The following TNR variants were observed in gnomAD, a reference collection of about 807,000 sequenced individuals.
TNR encodes tenascin R, also known as tenascin-R.
Under a neutral mutation model 150.4 loss-of-function variants are expected in TNR, and 45 were observed. The observed-to-expected ratio is 0.30, with a 90% CI of 0.24 to 0.38. The LOEUF (loss-of-function observed/expected upper bound fraction) is 0.38, where lower values mean the gene tolerates loss of function less well. Among genes scored for constraint, TNR ranks in the 10% least tolerant of loss-of-function variants. TNR has a pLI of 1.00. For missense variants in TNR, 1,544 were observed against 1,759.1 expected (o/e 0.88, Z 2.19); for synonymous variants, 687 against 678.4 (o/e 1.01, Z -0.20).
At chr1:175,636,818 C>T (rs1215733269) in intron 1 of TNR, among the ~76,000 whole-genome samples, 1 of 152,194 alleles carries the variant, frequency 6.6e-6, no homozygotes, top group Non-Finnish European at 1.5e-5. Context: ...TAGGTCTTTA[C>T]CTGATGCCTC....
At chr1:175,586,581 C>T (rs1003075737) in intron 1 of TNR, among the ~76,000 whole-genome samples, 3 of 152,198 alleles carry the variant, frequency 2.0e-5, no homozygotes, top group African/African-American at 4.8e-5. Context: ...GCTGGGACTA[C>T]AAGCGTGAGC....
chr1:175,700,157 G>A (rs911867741), intron 1 of TNR, among the ~76,000 whole-genome samples: 5 of 151,074 alleles, frequency 3.3e-5, no homozygotes, highest in African/African-American at 1.2e-4. Flanking sequence ...AGAAGGTTTG[G>A]CAAGGCTGTC....
intron 1 of TNR, among the ~76,000 whole-genome samples, chr1:175,704,397 C>T (rs143057657): frequency 2.6e-5 from 4 of 152,234 alleles, no homozygotes; most frequent in African/African-American, 9.6e-5. Context: ...GCTTGGTGGA[C>T]AGAGCTTGGA....
At chr1:175,451,683 T>C (rs1475779206) in intron 2 of TNR, among the ~76,000 whole-genome samples, 1 of 152,226 alleles carries the variant, frequency 6.6e-6, no homozygotes, top group African/African-American at 2.4e-5. Context: ...CAGCCCTTTA[T>C]GGAGCCCGTC....
chr1:175,543,806 A>G (rs1244451236), intron 1 of TNR, among the ~76,000 whole-genome samples: 2 of 152,208 alleles, frequency 1.3e-5, no homozygotes, highest in Non-Finnish European at 2.9e-5. Flanking sequence ...AGTTTTATGA[A>G]AGATGCCCAG....
chr1:175,646,204 TA>T (rs1664805292), intron 1 of TNR, among the ~76,000 whole-genome samples: 1 of 152,238 alleles, frequency 6.6e-6, no homozygotes, highest in Admixed American at 6.5e-5. Context: ...CTATGGCCAC[TA>T]AAAGGGCTCC....
chr1:175,632,645 A>G (rs1423322809), intron 1 of TNR, among the ~76,000 whole-genome samples: 2 of 152,232 alleles, frequency 1.3e-5, no homozygotes, highest in Non-Finnish European at 2.9e-5. Context: ...ACAAAATAAC[A>G]TTAATATCAA....
chr1:175,404,948 C>T (rs1010943657), intron 3 of TNR, among the ~76,000 whole-genome samples: 1 of 152,220 alleles, frequency 6.6e-6, no homozygotes, highest in Non-Finnish European at 1.5e-5. Context: ...TTTTAGTCCT[C>T]AGTGACTGCC....
intron 2 of TNR, among the ~76,000 whole-genome samples, chr1:175,424,339 G>A (rs1313863197): frequency 6.6e-6 from 1 of 152,172 alleles, no homozygotes; most frequent in Non-Finnish European, 1.5e-5. Flanking sequence ...GGCAGTGGTG[G>A]GAGCTGGGCA....
At chr1:175,507,280 C>G (rs1480434186) in intron 2 of TNR, among the ~76,000 whole-genome samples, 1 of 152,140 alleles carries the variant, frequency 6.6e-6, no homozygotes, top group African/African-American at 2.4e-5. Flanking sequence ...CATGGGTTGC[C>G]TGGGAATCCT....
At chr1:175,617,639 C>G (rs946666888) in intron 1 of TNR, among the ~76,000 whole-genome samples, 1 of 152,128 alleles carries the variant, frequency 6.6e-6, no homozygotes, top group African/African-American at 2.4e-5. Context: ...CCTGCTGAAT[C>G]GAAATCTAAG....
At chr1:175,671,264 C>T (rs1054435814) in intron 1 of TNR, among the ~76,000 whole-genome samples, 4 of 152,208 alleles carry the variant, frequency 2.6e-5, no homozygotes, top group African/African-American at 9.7e-5. Context: ...ATGGTGCCTA[C>T]TGAACTCCTC....
chr1:175,686,157 C>A (rs942633299), intron 1 of TNR, among the ~76,000 whole-genome samples: 11 of 152,160 alleles, frequency 7.2e-5, no homozygotes, highest in Non-Finnish European at 1.6e-4. Flanking sequence ...TTCATGTATT[C>A]AAACAACACT....
chr1:175,331,074 T>TTTCTTTCTTTCTTTCC (rs1557868014), intron 20 of TNR, among the ~76,000 whole-genome samples: 5 of 101,346 alleles, frequency 4.9e-5, no homozygotes, highest in African/African-American at 1.7e-4. Context: ...TCTTTCTTTC[T>TTTCTTTCTTTCTTTCC]TTCCTTCTTT....
intron 2 of TNR, among the ~76,000 whole-genome samples, chr1:175,459,682 G>A (rs533431956): frequency 5.9e-5 from 9 of 152,208 alleles, no homozygotes; most frequent in African/African-American, 1.4e-4. Context: ...CAGCAGTGGT[G>A]GCCATGGAGA....
intron 1 of TNR, among the ~76,000 whole-genome samples, chr1:175,560,656 T>C (rs1661388592): frequency 6.6e-6 from 1 of 152,270 alleles, no homozygotes; most frequent in African/African-American, 2.4e-5. Flanking sequence ...TTAGGATTTC[T>C]ATAATGATCA....
In TNR at chr1:175,367,313, GA is replaced by G. The variant is rs767229995; in HGVS notation, c.1964-17del. Reference sequence around the variant, plus strand: ...GGTACCAGATCTATCAGTGGATGGAGAAACAAACATTATTCTGTGTATGGGG... The same window carrying G: ...GGTACCAGATCTATCAGTGGATGGAGAACAAACATTATTCTGTGTATGGGG... On this transcript the variant is annotated splice_polypyrimidine_tract_variant and intron_variant, in intron 9 of 22. Coordinates refer to ENST00000367674, the MANE Select transcript of TNR (RefSeq NM_003285.3). 6.2e-7 allele frequency: 1 copy of G among 1,609,646 alleles called. No homozygotes were observed. Among genetic ancestry groups the G allele is most frequent in the Non-Finnish European group, 8.5e-7 (1 of 1,176,018 alleles).
At chr1:175,600,208 G>A (rs78083593) in intron 1 of TNR, among the ~76,000 whole-genome samples, 1,623 of 152,306 alleles carry the variant, frequency 0.011, 39 homozygotes, top group African/African-American at 0.036. Flanking sequence ...ATACCTTAAA[G>A]AGGTGTTATG....
At chr1:175,535,500 G>T (rs1418006117) in intron 1 of TNR, among the ~76,000 whole-genome samples, 1 of 151,496 alleles carries the variant, frequency 6.6e-6, no homozygotes, top group African/African-American at 2.4e-5. Flanking sequence ...TCGCTCTGTC[G>T]CCCAGGCTGG....
Sources: gnomAD v4.1 joint callset for allele counts (sites outside exome capture counted in the v4.1 genomes callset) on GRCh38, gnomAD v4.1.1 for gene constraint, MANE v1.5 for transcripts, NCBI Gene and HGNC (gene_info 2026-07-23, HGNC 2026-07-21) for gene names.